The following POLRMT variants were observed in gnomAD, a reference collection of about 807,000 sequenced individuals.
The protein encoded by POLRMT is DNA-directed RNA polymerase, mitochondrial.
POLRMT carries 114 observed loss-of-function variants against 132.2 expected under a neutral mutation model. The ratio of observed to expected loss-of-function variants is 0.86; its 90% CI spans 0.74 to 1.01. The LOEUF (loss-of-function observed/expected upper bound fraction) is 1.01. Among genes scored for constraint, POLRMT ranks in the 50% least tolerant of loss-of-function variants. The pLI is 0.00. For missense variants in POLRMT, 2,003 were observed against 1,729.1 expected (o/e 1.16, Z -2.81); for synonymous variants, 1,020 against 773.4 (o/e 1.32, Z -5.29).
chr19:620,719 C>T (rs1249854691), intron 10 of POLRMT, among the ~76,000 whole-genome samples: 3 of 75,402 alleles, frequency 4.0e-5, no homozygotes, highest in Non-Finnish European at 5.1e-5. Context: ...CCGGAGCTGC[C>T]GGGGGAGGAG....
rs1003436956 is a variant in POLRMT, at chr19:621,475, C to T, written c.2223G>A (p.Pro741=). The change falls in exon 10 of 21, where the codon CCG becomes CCA. Residue 741 remains proline, a synonymous_variant. Transcript: ENST00000588649. ...VPAPPSEAPQ[P]PEAHLPHSAA... ...CGCTGTGCGGCAGGTGGGCCTCGGG[C>T]GGCTGGGGCGCCTCGGAGGGCGGGG... is the stretch of plus-strand genomic sequence containing the variant. 4 of 1,369,152 alleles carry T rather than the reference C, an allele frequency of 2.9e-6. No individual in the cohort carries two copies. The highest frequency in any genetic ancestry group is 3.7e-6 in the Non-Finnish European group (4 of 1,069,160). The allele number at this position is 1,369,152 out of a possible 1,614,324, so 84.8% of individuals were successfully genotyped here. A position where few individuals can be genotyped will look rare whatever the true frequency, so the allele number is the denominator to read the frequency against.
intron 2 of POLRMT, 120 bp downstream of exon 2, chr19:632,703 TCTGGGCGTGTC>T: frequency 1.4e-6 from 1 of 695,002 alleles, no homozygotes; most frequent in Admixed American, 3.1e-5. Context: ...AGCAACGCCG[TCTGGGCGTGTC>T]CTGGGACCCG....
intron 3 of POLRMT, among the ~76,000 whole-genome samples, chr19:629,036 G>A (rs952101726): frequency 6.6e-6 from 1 of 152,088 alleles, no homozygotes; most frequent in Admixed American, 6.6e-5. Flanking sequence ...AAAGAAAACG[G>A]CAAGGGAAAT....
In POLRMT at chr19:617,283, G is replaced by C. The variant is rs145459131; in HGVS notation, c.3684C>G (p.Phe1228Leu). 1.2e-6 allele frequency: 2 copies of C among 1,612,848 alleles called. No homozygotes were observed. The highest frequency in any genetic ancestry group is 1.7e-5 in the Admixed American group (1 of 60,028). The change falls in exon 21 of 21, where the codon TTC becomes TTG. Residue 1228 changes from phenylalanine to leucine, a missense_variant. Phe to Leu is a conservative substitution (Grantham distance 22). Coordinates refer to ENST00000588649, the MANE Select transcript of POLRMT (RefSeq NM_005035.4). ...DLEQVKRSTY[F>L]FS is the part of the protein sequence containing the mutation. ...CAAGGCTCACGGGGTGTCAGCTGAA[G>C]AAGTAGGTGGAACGCTTCACCTGCT...
chr19:623,016 C>T (rs1199549458), intron 6 of POLRMT, 31 bp from the exon 7 acceptor site: 8 of 1,604,854 alleles, frequency 5.0e-6, no homozygotes, highest in African/African-American at 1.3e-5. Context: ...CGGTGAGCCC[C>T]GTGGCAGCTG....
Position 620,921 on chromosome 19 carries a change from GC to G in POLRMT, c.2640+136del. The G allele has an allele frequency of 2.9e-5, 4 of 139,800 alleles. 1 individual carries two copies. The highest frequency in any genetic ancestry group is 4.0e-4 in the South Asian group (2 of 4,954). 8.7% of individuals were successfully genotyped at this position (139,800 alleles called of 1,614,324 possible). A position where few individuals can be genotyped will look rare whatever the true frequency, so the allele number is the denominator to read the frequency against. On this transcript the variant is annotated intron_variant, in intron 10 of 20. Transcript: ENST00000588649. ...GAGGGGGAGGGGAGGAGGAAGACGG[GC>G]AGGGGGCGCCAGGGGAGGGGGAGGG... is the stretch of plus-strand genomic sequence containing the variant.
At chr19:619,322 G>C in intron 13 of POLRMT, 26 bp from the exon 14 acceptor site, 1 of 1,602,672 alleles carries the variant, frequency 6.2e-7, no homozygotes, top group South Asian at 1.1e-5. Context: ...AGCAGGTGCA[G>C]GTCCTCAGGG....
At chr19:626,886 T>TACACACAC (rs143170943) in intron 3 of POLRMT, among the ~76,000 whole-genome samples, 2 of 143,706 alleles carry the variant, frequency 1.4e-5, no homozygotes, top group South Asian at 4.5e-4. Context: ...TCTTAAAATA[T>TACACACAC]ACACACACAC....
intron 3 of POLRMT, among the ~76,000 whole-genome samples, chr19:626,583 A>C (rs1391431305): frequency 6.9e-6 from 1 of 143,898 alleles, no homozygotes; most frequent in Non-Finnish European, 1.5e-5. Context: ...TCAGGAGTTT[A>C]AGACCAGCCT....
chr19:617,901 A>T, intron 17 of POLRMT, 52 bp from the exon 18 acceptor site: 1 of 1,535,448 alleles, frequency 6.5e-7, no homozygotes, highest in Non-Finnish European at 9.0e-7. Flanking sequence ...AGGGCCACCC[A>T]GTGACCAGCA....
In POLRMT at chr19:621,445, C is replaced by A. The variant is rs764015070; in HGVS notation, c.2253G>T (p.Ala751=). Residue 751 remains alanine, a synonymous_variant, in exon 10 of 21, where the codon GCG becomes GCT. Transcript: ENST00000588649. The stretch of plus-strand genomic sequence containing the variant: ...GGCGCAGCTCGGCCTTGCGGGCGGG[C>A]GCGGCGCTGTGCGGCAGGTGGGCCT... The part of the protein sequence containing the change: ...PPEAHLPHSA[A]PARKAELRRE... The A allele has an allele frequency of 7.1e-6, 10 of 1,413,854 alleles. No homozygotes were observed. The highest frequency in any genetic ancestry group is 2.6e-4 in the Middle Eastern group (1 of 3,900). The allele number at this position is 1,413,854 out of a possible 1,614,324, so 87.6% of individuals were successfully genotyped here. A position where few individuals can be genotyped will look rare whatever the true frequency, so the allele number is the denominator to read the frequency against.
At position 621,288 on chromosome 19, in the gene POLRMT, C is replaced by T. The variant is rs746364663; in HGVS notation, c.2410G>A (p.Gly804Ser). The change falls in exon 10 of 21, where the codon GGC (glycine) becomes AGC (serine). Residue 804 changes from glycine to serine, a missense_variant. Physicochemically the swap from Gly to Ser is moderately conservative, Grantham distance 56. Coordinates refer to ENST00000588649, the MANE Select transcript of POLRMT (RefSeq NM_005035.4). ...TGCGGCGGGCAGGGGTAGGTGCGGC[C>T]GCGGAAGTCCATGTTGTGCGGCAGC... ...FWLPHNMDFR[G>S]RTYPCPPHFN... 32 of 1,604,132 alleles carry T rather than the reference C, an allele frequency of 2.0e-5. No homozygotes were observed. Among genetic ancestry groups the T allele is most frequent in the African/African-American group, 2.7e-5 (2 of 74,700 alleles).
chr19:619,390 A>C, intron 13 of POLRMT, 94 bp from the exon 14 acceptor site: 1 of 1,429,688 alleles, frequency 7.0e-7, no homozygotes, highest in African/African-American at 1.4e-5. Flanking sequence ...CCCAAGGCCT[A>C]GGGCCTAGCA....
intron 15 of POLRMT, 63 bp from the exon 16 acceptor site, chr19:618,823 G>T: frequency 6.5e-7 from 1 of 1,527,580 alleles, no homozygotes; most frequent in South Asian, 1.2e-5. Context: ...GTACATTGAG[G>T]TGGTGGTACA....
chr19:618,805 C>T (rs766491453), intron 15 of POLRMT, 45 bp from the exon 16 acceptor site: 65 of 1,553,666 alleles, frequency 4.2e-5, no homozygotes, highest in South Asian at 7.0e-5. Context: ...AGGCCCAGCA[C>T]GGTGGTGGTA....
intron 3 of POLRMT, among the ~76,000 whole-genome samples, chr19:626,861 G>C (rs576849061): frequency 6.9e-6 from 1 of 145,446 alleles, no homozygotes; most frequent in African/African-American, 2.7e-5. Flanking sequence ...GCTGTCGACA[G>C]ACTTGGAGAC....
intron 10 of POLRMT, 98 bp from the exon 11 acceptor site, chr19:620,585 G>C: frequency 2.9e-6 from 4 of 1,378,418 alleles, no homozygotes; most frequent in Non-Finnish European, 3.8e-6. Context: ...GGGAGGAGAC[G>C]CACACCCGTG....
chr19:630,277 G>A (rs1985321867), intron 2 of POLRMT, 109 bp from the exon 3 acceptor site: 1 of 1,327,914 alleles, frequency 7.5e-7, no homozygotes, highest in Non-Finnish European at 1.0e-6. Flanking sequence ...GAGCTCGCTG[G>A]GACCCAAGGC....
At position 618,558 on chromosome 19, in the gene POLRMT, C is replaced by T. The variant is rs143273183; in HGVS notation, c.3352G>A (p.Gly1118Ser). 1.4e-5 allele frequency: 23 copies of T among 1,613,210 alleles called. No individual in the cohort carries two copies. Among genetic ancestry groups the T allele is most frequent in the African/African-American group, 6.7e-5 (5 of 74,906 alleles). ...RKPNTRKQKN[G>S]FPPNFIHSLD... is the part of the protein sequence containing the mutation. Reference sequence around the variant, plus strand: ...GAGTGGATGAAGTTGGGCGGGAAGCCGTTCTTCTGCTTACGTGTGTTGGGC... The same window carrying T: ...GAGTGGATGAAGTTGGGCGGGAAGCTGTTCTTCTGCTTACGTGTGTTGGGC... Residue 1118 changes from glycine to serine, a missense_variant, in exon 17 of 21, where the codon GGC becomes AGC. Coordinates refer to ENST00000588649, the MANE Select transcript of POLRMT (RefSeq NM_005035.4).
Sources: gnomAD v4.1 joint callset for allele counts (sites outside exome capture counted in the v4.1 genomes callset) on GRCh38, gnomAD v4.1.1 for gene constraint, MANE v1.5 for transcripts, NCBI Gene and HGNC (gene_info 2026-07-23, HGNC 2026-07-21) for gene names.